TSHZ2: variants seen among roughly 807,000 people sequenced by gnomAD.
TSHZ2 encodes teashirt homolog 2.
Under a neutral mutation model 74.4 loss-of-function variants are expected in TSHZ2, and 21 were observed. The ratio of observed to expected loss-of-function variants is 0.28; its 90% CI spans 0.20 to 0.41. The LOEUF (loss-of-function observed/expected upper bound fraction) is 0.41, where lower values mean the gene tolerates loss of function less well. TSHZ2 is among the 10% of genes least tolerant of loss of function. The pLI, the probability that TSHZ2 is intolerant of heterozygous loss-of-function variation, is 1.00. For synonymous variants in TSHZ2, 540 were observed against 515.3 expected (o/e 1.05, Z -0.65); for missense variants, 1,244 against 1,293.5 (o/e 0.96, Z 0.59).
rs531271321 is a variant in TSHZ2 at position 53,088,504 on chromosome 20, C to T, written c.40+115171C>T. Among the ~76,000 whole-genome samples, 8 of 152,282 alleles carry T rather than the reference C, an allele frequency of 5.3e-5. No individual in the cohort carries two copies. The South Asian group carries it at 8.3e-4, about 16-fold the overall frequency. ...ATTGAGGATCTCAGCGTTGGCCCTC[C>T]GTCCTGCTGTTGTCAACTCTCCCAA... On this transcript the variant is annotated intron_variant, in intron 1 of 2. Transcript: ENST00000371497.
chr20:53,435,285 C>T (rs1356175397), intron 2 of TSHZ2, among the ~76,000 whole-genome samples: 1 of 152,150 alleles, frequency 6.6e-6, no homozygotes, highest in African/African-American at 2.4e-5. Flanking sequence ...ACAAGCAAGA[C>T]CATCAGGAAA....
chr20:53,381,836 A>G (rs981758015), intron 2 of TSHZ2, among the ~76,000 whole-genome samples: 1 of 152,170 alleles, frequency 6.6e-6, no homozygotes, highest in Non-Finnish European at 1.5e-5. Flanking sequence ...CCTACACTGC[A>G]TCCACAGAGA....
At chr20:53,089,182 G>A (rs1180188981) in intron 1 of TSHZ2, among the ~76,000 whole-genome samples, 1 of 151,148 alleles carries the variant, frequency 6.6e-6, no homozygotes, top group African/African-American at 2.4e-5. Context: ...TGTCCAATAG[G>A]CCAAAGTGTC....
At chr20:53,069,524 C>T (rs925385396) in intron 1 of TSHZ2, among the ~76,000 whole-genome samples, 2 of 151,858 alleles carry the variant, frequency 1.3e-5, no homozygotes, top group South Asian at 2.1e-4. Flanking sequence ...TATCTAAATC[C>T]GAGTGACAAA....
chr20:53,266,804 G>A (rs1439229740), intron 2 of TSHZ2, among the ~76,000 whole-genome samples: 3 of 129,382 alleles, frequency 2.3e-5, no homozygotes, highest in East Asian at 4.7e-4. Context: ...TTGAGACAGA[G>A]CCTCACTCTG....
intron 2 of TSHZ2, among the ~76,000 whole-genome samples, chr20:53,313,833 CTG>C (rs1249967383): frequency 3.3e-5 from 5 of 152,196 alleles, no homozygotes; most frequent in Non-Finnish European, 7.3e-5. Flanking sequence ...ATCTTTGGCT[CTG>C]AAATGAACAA....
At chr20:53,166,737 C>T (rs967382660) in intron 1 of TSHZ2, among the ~76,000 whole-genome samples, 2 of 152,200 alleles carry the variant, frequency 1.3e-5, no homozygotes, top group South Asian at 4.2e-4. Context: ...CACCACTGCA[C>T]TCCAGCCTGG....
chr20:53,346,127 A>G (rs1210968237), intron 2 of TSHZ2, among the ~76,000 whole-genome samples: 1 of 152,118 alleles, frequency 6.6e-6, no homozygotes, highest in Admixed American at 6.5e-5. Flanking sequence ...TCGGATGCCT[A>G]CCCCAGTGAC....
chr20:53,186,811 A>G (rs186366911), intron 1 of TSHZ2, among the ~76,000 whole-genome samples: 7 of 151,996 alleles, frequency 4.6e-5, no homozygotes, highest in East Asian at 3.9e-4. Context: ...CCCCTCATCA[A>G]TCACTTGGGG....
chr20:53,100,691 A>AC (rs1220844972), intron 1 of TSHZ2, among the ~76,000 whole-genome samples: 1 of 152,082 alleles, frequency 6.6e-6, no homozygotes, highest in Non-Finnish European at 1.5e-5. Context: ...CTGTGGTCCC[A>AC]CCCCCAACCC....
intron 1 of TSHZ2, among the ~76,000 whole-genome samples, chr20:53,233,837 C>T (rs1289848618): frequency 6.6e-6 from 1 of 152,076 alleles, no homozygotes; most frequent in Non-Finnish European, 1.5e-5. Flanking sequence ...ATCCTGGAAC[C>T]AAGGATTCCA....
chr20:53,486,331 G>A (rs1986288988), intron 2 of TSHZ2, among the ~76,000 whole-genome samples: 1 of 152,116 alleles, frequency 6.6e-6, no homozygotes, highest in African/African-American at 2.4e-5. Context: ...TTTGGCTATT[G>A]TGAATAGTGT....
chr20:53,067,546 C>T (rs1440202007), intron 1 of TSHZ2, among the ~76,000 whole-genome samples: 1 of 152,206 alleles, frequency 6.6e-6, no homozygotes, highest in Non-Finnish European at 1.5e-5. Context: ...CAAAAATATA[C>T]ATTTAGCAAA....
At chr20:53,129,648 A>G (rs1292652377) in intron 1 of TSHZ2, among the ~76,000 whole-genome samples, 2 of 152,162 alleles carry the variant, frequency 1.3e-5, no homozygotes, top group Non-Finnish European at 2.9e-5. Flanking sequence ...GATTTTCCTT[A>G]TGAAACATGA....
intron 2 of TSHZ2, among the ~76,000 whole-genome samples, chr20:53,268,075 G>C (rs1425779606): frequency 1.3e-5 from 2 of 152,128 alleles, no homozygotes; most frequent in Admixed American, 6.5e-5. Flanking sequence ...GGCCACTTGG[G>C]GATGGAGCCT....
rs552622643 is a variant in TSHZ2 at position 53,255,906 on chromosome 20, C to T, written c.2448C>T (p.Val816=). 6.2e-7 allele frequency: 1 copy of T among 1,613,744 alleles called. No individual in the cohort carries two copies. Among genetic ancestry groups the T allele is most frequent in the Admixed American group, 1.7e-5 (1 of 59,996 alleles). The stretch of plus-strand genomic sequence containing the variant: ...CAAAGCCAGCCTCCTCCTCCAGGGT[C>T]CCCCCCATGAAGCTGGAAATGGATG... The part of the protein sequence containing the change: ...TTPKPASSSR[V]PPMKLEMDVR... The change falls in exon 2 of 3, where the codon GTC becomes GTT. Residue 816 remains valine (V), a synonymous_variant. Transcript: ENST00000371497. This position sits in a 1 kb window ranked among gnomAD's most constrained non-coding sequence, Gnocchi z 4.1.
rs1214905439 is a variant in TSHZ2, at chr20:53,494,707, T to G, written c.*7572T>G. 1 of 148,728 alleles carries G rather than the reference T, an allele frequency of 6.7e-6. No individual in the cohort carries two copies. The highest frequency in any genetic ancestry group is 2.5e-5 in the African/African-American group (1 of 40,052). 9.2% of individuals were successfully genotyped at this position (148,728 alleles called of 1,614,324 possible). ...AAGCCCTAAATAACAGACACTACTT[T>G]GTTGAGCTATTGTGAAAAAAAAACA... On this transcript the variant is annotated 3_prime_UTR_variant, in exon 3 of 3. Transcript: ENST00000371497.
intron 1 of TSHZ2, among the ~76,000 whole-genome samples, chr20:52,991,246 G>A (rs1055770779): frequency 1.3e-5 from 2 of 149,306 alleles, no homozygotes; most frequent in African/African-American, 2.5e-5. Flanking sequence ...AGTGTGTGTT[G>A]TGGGGGGAGA....
At chr20:53,423,709 C>G (rs956607753) in intron 2 of TSHZ2, among the ~76,000 whole-genome samples, 1 of 152,210 alleles carries the variant, frequency 6.6e-6, no homozygotes, top group African/African-American at 2.4e-5. Context: ...GCCCATGCAG[C>G]GTTACTGAAA....
Sources: allele counts gnomAD v4.1 joint callset (sites outside exome capture counted in the v4.1 genomes callset), GRCh38; gene constraint gnomAD v4.1.1; non-coding constraint Gnocchi (gnomAD v3.1); transcripts MANE v1.5; gene names NCBI Gene and HGNC (gene_info 2026-07-23, HGNC 2026-07-21).